THNSL1: variants seen among roughly 807,000 people sequenced by gnomAD.
THNSL1 encodes threonine synthase-like 1.
In THNSL1, 48 loss-of-function variants were observed where a neutral mutation model predicts 50.4. The ratio of observed to expected loss-of-function variants is 0.95; its 90% CI spans 0.76 to 1.21. The LOEUF (loss-of-function observed/expected upper bound fraction) is 1.21. Ranked by LOEUF, THNSL1 falls within the 50% of genes most tolerant of loss-of-function variation. The probability of loss-of-function intolerance (pLI) is 0.00; values close to 1 mark genes in which losing one functional copy is unlikely to be tolerated. For missense variants in THNSL1, 896 were observed against 871.7 expected (o/e 1.03, Z -0.35); for synonymous variants, 309 against 306.1 (o/e 1.01, Z -0.10).
chr10:24,956,039 A>G, the THNSL1 span, among the ~76,000 whole-genome samples: 1 of 152,308 alleles, frequency 6.6e-6, no homozygotes, highest in African/African-American at 2.4e-5. Context: ...AGCTGGTATG[A>G]GAATGAATAC....
the THNSL1 span, among the ~76,000 whole-genome samples, chr10:25,005,042 C>T: frequency 2.7e-4 from 41 of 152,150 alleles, no homozygotes; most frequent in Admixed American, 8.5e-4. Context: ...TTGTGTTTGT[C>T]GGGTTTGTCA....
At position 25,023,455 on chromosome 10, in the gene THNSL1, A is replaced by G. The variant is rs1266698962; in HGVS notation, c.232A>G (p.Lys78Glu). The G allele has an allele frequency of 5.6e-6, 9 of 1,614,066 alleles. No individual in the cohort carries two copies. The highest frequency in any genetic ancestry group is 7.6e-6 in the Non-Finnish European group (9 of 1,180,022). ...AACAGTAGGCAGAATAATAGGTCAG[A>G]AACTAGGTTGTTGTGTCATAGATGT... ...KTTVGRIIGQ[K>E]LGCCVIDVDD... Residue 78 changes from lysine (K) to glutamate (E), a missense_variant, in exon 3 of 3, where the codon AAA becomes GAA. Coordinates refer to ENST00000376356, the MANE Select transcript of THNSL1 (RefSeq NM_024838.5).
the THNSL1 span, among the ~76,000 whole-genome samples, chr10:24,952,803 A>G: frequency 6.6e-6 from 1 of 151,134 alleles, no homozygotes; most frequent in Admixed American, 6.6e-5. The surrounding 1 kb of genome is among the most constrained non-coding windows in gnomAD (Gnocchi z 5.1). Flanking sequence ...GGGCGCGGGG[A>G]GCAGCTGCCA....
the THNSL1 span, among the ~76,000 whole-genome samples, chr10:24,985,570 A>C: frequency 2.0e-5 from 3 of 152,238 alleles, no homozygotes; most frequent in African/African-American, 7.2e-5. Flanking sequence ...TCAATAATGT[A>C]GCTAACAGTT....
At chr10:24,993,181 T>C in the THNSL1 span, among the ~76,000 whole-genome samples, 2 of 152,200 alleles carry the variant, frequency 1.3e-5, no homozygotes, top group South Asian at 2.1e-4. Flanking sequence ...TGTGATACAG[T>C]TCAGAAAAAA....
the THNSL1 span, among the ~76,000 whole-genome samples, chr10:24,994,702 AT>A: frequency 6.6e-6 from 1 of 152,084 alleles, no homozygotes; most frequent in Non-Finnish European, 1.5e-5. Flanking sequence ...ATTAAATAAG[AT>A]TTTTTGTAAG....
chr10:24,972,807 T>C, the THNSL1 span, among the ~76,000 whole-genome samples: 2 of 152,096 alleles, frequency 1.3e-5, no homozygotes, highest in Admixed American at 1.3e-4. Flanking sequence ...GAGAGGAAAG[T>C]GATCAAGATA....
chr10:25,020,181 G>A (rs1006720156), intron 1 of THNSL1, among the ~76,000 whole-genome samples: 2 of 151,702 alleles, frequency 1.3e-5, no homozygotes, highest in African/African-American at 2.4e-5. Context: ...GAACATGTTT[G>A]TGGGAAATAA....
the THNSL1 span, among the ~76,000 whole-genome samples, chr10:24,998,360 T>C: frequency 4.8e-5 from 2 of 41,496 alleles, no homozygotes; most frequent in Non-Finnish European, 4.1e-5. Context: ...CCTTCCTTCC[T>C]CTCTCTCTCT....
chr10:24,974,249 T>A, the THNSL1 span, among the ~76,000 whole-genome samples: 1 of 152,066 alleles, frequency 6.6e-6, no homozygotes, highest in Admixed American at 6.5e-5. Context: ...GAATAAATTG[T>A]CTAGAACGCT....
the THNSL1 span, chr10:24,999,456 T>C: frequency 5.6e-6 from 9 of 1,613,370 alleles, no homozygotes; most frequent in African/African-American, 1.2e-4. Context: ...TTGGAGAAGG[T>C]ACTTCAACTT....
chr10:24,998,411 G>T, the THNSL1 span, among the ~76,000 whole-genome samples: 5 of 120,690 alleles, frequency 4.1e-5, no homozygotes, highest in Non-Finnish European at 6.4e-5. Flanking sequence ...GTCTCACTTT[G>T]TTGTCCAGGC....
At chr10:24,961,680 A>C in the THNSL1 span, among the ~76,000 whole-genome samples, 1 of 127,324 alleles carries the variant, frequency 7.9e-6, no homozygotes, top group African/African-American at 2.5e-5. Context: ...GGAACTAATA[A>C]AAAAAGTCAG....
At chr10:24,977,996 AT>A in the THNSL1 span, among the ~76,000 whole-genome samples, 51 of 152,320 alleles carry the variant, frequency 3.3e-4, no homozygotes, top group African/African-American at 1.1e-3. Flanking sequence ...TAACAAAAAA[AT>A]ATACTACCCA....
intron 1 of THNSL1, among the ~76,000 whole-genome samples, chr10:25,020,939 G>A (rs1392991399): frequency 6.6e-6 from 1 of 152,168 alleles, no homozygotes; most frequent in Admixed American, 6.5e-5. Context: ...TGCTTTTAAA[G>A]TCCAGTACCA....
At position 25,023,627 on chromosome 10, in the gene THNSL1, A is replaced by G; in HGVS notation, c.404A>G (p.Asn135Ser). Residue 135 changes from asparagine to serine, a missense_variant, in exon 3 of 3, where the codon AAT (asparagine) becomes AGT (serine). Transcript: ENST00000376356. Reference sequence around the variant, plus strand: ...AGTGTGATTTCCCTTACTGGGTCCAATCCAATGCATGATGCTAGCATGTGG... The same window carrying G: ...AGTGTGATTTCCCTTACTGGGTCCAGTCCAATGCATGATGCTAGCATGTGG... ...SGSVISLTGS[N>S]PMHDASMWHL... The G allele has an allele frequency of 5.6e-6, 9 of 1,614,184 alleles. No homozygotes were observed. The highest frequency in any genetic ancestry group is 1.3e-5 in the African/African-American group (1 of 75,066).
At chr10:25,001,407 T>C in the THNSL1 span, among the ~76,000 whole-genome samples, 1 of 152,166 alleles carries the variant, frequency 6.6e-6, no homozygotes, top group East Asian at 1.9e-4. Flanking sequence ...GATTCTTGGA[T>C]TTTTGGATTT....
At chr10:25,016,811 G>A (rs1850594056) in intron 1 of THNSL1, 119 bp downstream of exon 1, 1 of 152,544 alleles carries the variant, frequency 6.6e-6, no homozygotes, top group Non-Finnish European at 1.5e-5. Flanking sequence ...GAGGAGAAAG[G>A]AAGGAAAACT....
the THNSL1 span, among the ~76,000 whole-genome samples, chr10:25,008,816 T>C: frequency 6.6e-6 from 1 of 152,222 alleles, no homozygotes; most frequent in Admixed American, 6.5e-5. Flanking sequence ...CGTATGTTTA[T>C]TGTGGCACTA....
Sources: allele counts gnomAD v4.1 joint callset (sites outside exome capture counted in the v4.1 genomes callset), GRCh38; gene constraint gnomAD v4.1.1; non-coding constraint Gnocchi (gnomAD v3.1); transcripts MANE v1.5; gene names NCBI Gene and HGNC (gene_info 2026-07-23, HGNC 2026-07-21).